Variants in ERAP1 observed in about 807,000 individuals in gnomAD.
The protein encoded by ERAP1 is adipocyte-derived leucine aminopeptidase.
In ERAP1, 86 loss-of-function variants were observed where a neutral mutation model predicts 103.7. That is an observed-to-expected ratio of 0.83 (90% CI 0.70 to 0.99). The LOEUF (loss-of-function observed/expected upper bound fraction) is 0.99, where lower values mean the gene tolerates loss of function less well. ERAP1 is among the 50% of genes least tolerant of loss of function. The probability of loss-of-function intolerance (pLI) is 0.00; values close to 1 mark genes in which losing one functional copy is unlikely to be tolerated. For missense variants in ERAP1, 1,009 were observed against 1,128.4 expected, an observed-to-expected ratio of 0.89 and a Z score of 1.52; for synonymous variants, 398 against 402.4, an observed-to-expected ratio of 0.99 and a Z score of 0.13.
At chr5:96,923,396 T>TA in the ERAP1 span, among the ~76,000 whole-genome samples, 1 of 151,936 alleles carries the variant, frequency 6.6e-6, no homozygotes, top group African/African-American at 2.4e-5. Flanking sequence ...ACGTGCTGTC[T>TA]AAAAAAAGAA....
the ERAP1 span, among the ~76,000 whole-genome samples, chr5:96,931,291 G>C: frequency 6.6e-6 from 1 of 151,966 alleles, no homozygotes; most frequent in African/African-American, 2.4e-5. Context: ...TGAGTAGCTG[G>C]GACCAAAGGC....
chr5:96,925,094 C>G, the ERAP1 span, among the ~76,000 whole-genome samples: 1 of 152,264 alleles, frequency 6.6e-6, no homozygotes, highest in South Asian at 2.1e-4. Flanking sequence ...TTTAAATGAT[C>G]AGATTGGAAT....
the ERAP1 span, among the ~76,000 whole-genome samples, chr5:96,908,014 GAGA>G: frequency 7.2e-5 from 11 of 152,182 alleles, no homozygotes; most frequent in African/African-American, 2.4e-4. Flanking sequence ...CATCGTGATT[GAGA>G]AGATTAAAGG....
At chr5:96,907,034 C>G in the ERAP1 span, among the ~76,000 whole-genome samples, 1 of 152,062 alleles carries the variant, frequency 6.6e-6, no homozygotes, top group Non-Finnish European at 1.5e-5. Flanking sequence ...ATCTCAAAAA[C>G]AAAACAAAAC....
chr5:96,825,581 T>TA, the ERAP1 span, among the ~76,000 whole-genome samples: 1 of 152,284 alleles, frequency 6.6e-6, no homozygotes, highest in South Asian at 2.1e-4. Flanking sequence ...ATGTGCTCCA[T>TA]AAATGCTTAT....
At chr5:96,932,113 C>T in the ERAP1 span, among the ~76,000 whole-genome samples, 1 of 152,152 alleles carries the variant, frequency 6.6e-6, no homozygotes, top group Non-Finnish European at 1.5e-5. Context: ...GTGCTCTAAA[C>T]ATTTCTTGAT....
chr5:96,908,916 A>T, the ERAP1 span: 18 of 1,546,358 alleles, frequency 1.2e-5, no homozygotes, highest in East Asian at 4.1e-4. Context: ...AATATTAAAA[A>T]CTATAAGATA....
At chr5:96,896,973 GC>G in the ERAP1 span, 2 of 385,192 alleles carry the variant, frequency 5.2e-6, no homozygotes, top group Non-Finnish European at 7.1e-6. Flanking sequence ...TATTTATTCT[GC>G]TTGCTATGTT....
chr5:96,881,272 C>G, the ERAP1 span: 2 of 385,186 alleles, frequency 5.2e-6, no homozygotes, highest in East Asian at 1.4e-4. Flanking sequence ...GAGGTCATTG[C>G]AGTAGTTCAG....
the ERAP1 span, chr5:96,909,670 C>T: frequency 2.5e-6 from 4 of 1,614,196 alleles, no homozygotes; most frequent in African/African-American, 4.0e-5. Context: ...CCGCTCGGCT[C>T]TCTTGAAGCT....
At chr5:96,901,427 A>C in the ERAP1 span, 9 of 1,481,746 alleles carry the variant, frequency 6.1e-6, no homozygotes, top group Middle Eastern at 1.8e-4. Context: ...TCTGGCATCC[A>C]AGGAGATGGA....
At chr5:96,780,130 C>T (rs1404565977) in intron 18 of ERAP1, among the ~76,000 whole-genome samples, 2 of 152,150 alleles carry the variant, frequency 1.3e-5, no homozygotes, top group Non-Finnish European at 2.9e-5. Flanking sequence ...ACCTCAGTGC[C>T]CACTTTTAAC....
the ERAP1 span, among the ~76,000 whole-genome samples, chr5:96,932,793 A>G: frequency 4.0e-3 from 616 of 152,272 alleles, 5 homozygotes; most frequent in African/African-American, 0.014. Flanking sequence ...CAGGGTGCTT[A>G]TATTTTTTTC....
At chr5:96,831,589 G>A in the ERAP1 span, among the ~76,000 whole-genome samples, 1 of 152,148 alleles carries the variant, frequency 6.6e-6, no homozygotes, top group Non-Finnish European at 1.5e-5. Flanking sequence ...TTCCTCCCAG[G>A]TTTATCAATA....
downstream of ERAP1, chr5:96,770,409 G>C (rs1771853561): frequency 3.1e-6 from 2 of 636,464 alleles, no homozygotes; most frequent in Non-Finnish European, 5.7e-6. Context: ...AACACCCAAA[G>C]TCTTCCATTA....
the ERAP1 span, chr5:96,892,151 A>G: frequency 2.8e-6 from 2 of 724,486 alleles, no homozygotes; most frequent in Non-Finnish European, 4.5e-6. Context: ...CAACTATAAG[A>G]CACCCTGTCA....
the ERAP1 span, among the ~76,000 whole-genome samples, chr5:96,929,392 G>C: frequency 1.3e-5 from 2 of 152,064 alleles, no homozygotes; most frequent in African/African-American, 2.4e-5. Flanking sequence ...AAATAAGTTA[G>C]ATCTACTTTT....
chr5:96,797,337 A>C lies in ERAP1; in HGVS notation c.664-28T>G, dbSNP rs149029504. 76 of 1,611,462 alleles carry C rather than the reference A, an allele frequency of 4.7e-5. No homozygotes were observed. The East Asian group carries it at 1.5e-3, about 32-fold the overall frequency. ...AAAATCAGAATAATTCAAATTATCAAGTAATCCAATTATCCAATACAGTGA... is the reference window on the plus strand; with the variant it reads ...AAAATCAGAATAATTCAAATTATCACGTAATCCAATTATCCAATACAGTGA... On this transcript the variant is annotated intron_variant, in intron 3 of 18. Coordinates refer to ENST00000443439, the MANE Select transcript of ERAP1 (RefSeq NM_001040458.3).
chr5:96,912,627 G>A, the ERAP1 span: 1 of 1,582,052 alleles, frequency 6.3e-7, no homozygotes, highest in Non-Finnish European at 8.5e-7. Context: ...TTTTATGCTT[G>A]ATATTACAGT....
Sources: allele counts gnomAD v4.1 joint callset (sites outside exome capture counted in the v4.1 genomes callset), GRCh38; gene constraint gnomAD v4.1.1; transcripts MANE v1.5; gene names NCBI Gene and HGNC (gene_info 2026-07-23, HGNC 2026-07-21).